Variants in SCNN1B observed in about 807,000 individuals in gnomAD.
The protein encoded by SCNN1B is epithelial sodium channel subunit beta.
SCNN1B carries 46 observed loss-of-function variants against 65.3 expected under a neutral mutation model. The observed-to-expected ratio is 0.70, with a 90% confidence interval of 0.56 to 0.90. The LOEUF (loss-of-function observed/expected upper bound fraction) is 0.90. Among genes scored for constraint, SCNN1B ranks in the 40% least tolerant of loss-of-function variants. The probability of loss-of-function intolerance (pLI) is 0.00; values close to 1 mark genes in which losing one functional copy is unlikely to be tolerated. For synonymous variants in SCNN1B, 349 were observed against 330.6 expected, an observed-to-expected ratio of 1.06 and a Z score of -0.60; for missense variants, 751 against 830.5, an observed-to-expected ratio of 0.90 and a Z score of 1.18.
intron 2 of SCNN1B, among the ~76,000 whole-genome samples, chr16:23,285,267 G>A (rs1255282839): frequency 3.3e-5 from 5 of 152,090 alleles, no homozygotes; most frequent in Non-Finnish European, 7.3e-5. Context: ...CAGTCTCCTG[G>A]GCTCAAGCTA....
At chr16:23,355,518 A>G (rs72654327) in intron 4 of SCNN1B, 29 bp downstream of exon 4, 1,005 of 1,610,722 alleles carry the variant, frequency 6.2e-4, no homozygotes, top group African/African-American at 3.8e-3. Flanking sequence ...CCACCCGGCC[A>G]GGCCCTGGCA....
intron 8 of SCNN1B, among the ~76,000 whole-genome samples, chr16:23,376,778 A>T (rs1962907294): frequency 6.6e-6 from 1 of 152,014 alleles, no homozygotes; most frequent in Non-Finnish European, 1.5e-5. Context: ...AGAAAAAAAA[A>T]AGTAAAAGAG....
At chr16:23,327,372 A>T (rs1024623696) in intron 1 of SCNN1B, among the ~76,000 whole-genome samples, 1 of 152,148 alleles carries the variant, frequency 6.6e-6, no homozygotes, top group Non-Finnish European at 1.5e-5. Context: ...ATCTCTACTA[A>T]GAATACAAAA....
chr16:23,342,171 C>T (rs922679771), intron 1 of SCNN1B, among the ~76,000 whole-genome samples: 2 of 152,206 alleles, frequency 1.3e-5, no homozygotes, highest in African/African-American at 2.4e-5. Context: ...AAATGAAGCA[C>T]TAATACATGC....
At position 23,380,704 on chromosome 16, in the gene SCNN1B, C is replaced by T. The variant is rs367558995; in HGVS notation, c.1826C>T (p.Ala609Val). 1.1e-5 allele frequency: 18 copies of T among 1,612,376 alleles called. No individual in the cohort carries two copies. Among genetic ancestry groups the T allele is most frequent in the Non-Finnish European group, 1.4e-5 (16 of 1,179,592 alleles). The change falls in exon 13 of 13, where the codon GCC (alanine) becomes GTC (valine). Residue 609 changes from alanine to valine, a missense_variant. Transcript: ENST00000343070. The surrounding 1 kb of genome is among the most constrained non-coding windows in gnomAD (Gnocchi z 5.4). ...ACTGGGCCCTACCCCAGTGAGCAGG[C>T]CCTGCCCATCCCAGGCACCCCGCCC... is the stretch of plus-strand genomic sequence containing the variant. The part of the protein sequence containing the change: ...PNTGPYPSEQ[A>V]LPIPGTPPPN...
chr16:23,357,796 A>G (rs1962450820), intron 4 of SCNN1B, among the ~76,000 whole-genome samples: 1 of 152,206 alleles, frequency 6.6e-6, no homozygotes, highest in Non-Finnish European at 1.5e-5. Context: ...AGCTGGTCAC[A>G]GTCTGTGTTT....
upstream of SCNN1B, among the ~76,000 whole-genome samples, chr16:23,301,359 CAAA>C (rs369302758): frequency 8.3e-6 from 1 of 120,414 alleles, no homozygotes; most frequent in Non-Finnish European, 1.6e-5. Flanking sequence ...GAGACTCTGT[CAAA>C]AAAAAAAGAA....
rs1961566445 is a variant in SCNN1B, at chr16:23,320,579, A to G, written c.-9+18142A>G. Among the ~76,000 whole-genome samples, 2 of 152,218 alleles carry G rather than the reference A, an allele frequency of 1.3e-5. 1 individual carries two copies. The highest frequency in any genetic ancestry group is 1.3e-4 in the Admixed American group (2 of 15,282). On this transcript the variant is annotated intron_variant, in intron 1 of 12. Transcript: ENST00000343070. ...AAGTTCAAACCCATGACTTACAGAC[A>G]TGATTGGAGTTGTGAGACAGCAAAA...
chr16:23,337,559 G>T (rs1961969596), intron 1 of SCNN1B, among the ~76,000 whole-genome samples: 1 of 151,618 alleles, frequency 6.6e-6, no homozygotes, highest in South Asian at 2.1e-4. Flanking sequence ...TGTATTTTTA[G>T]TAGAGACAGG....
rs557772351 is a variant in SCNN1B, at chr16:23,291,087, C to T, written n.178+7283C>T. Among the ~76,000 whole-genome samples, 7 of 142,940 alleles carry T rather than the reference C, an allele frequency of 4.9e-5. No homozygotes were observed. The South Asian group carries it at 1.3e-3, about 27-fold the overall frequency. 93.8% of individuals were successfully genotyped at this position (142,940 alleles called of 152,430 possible). On this transcript the variant is annotated intron_variant and non_coding_transcript_variant, in intron 2 of 3. Transcript: ENST00000569789. ...TTTTTTCTTTTTTTTTTTTTGGCAGCATCTTGCTGTGTCGCCCAGGCTGGA... is the reference window on the plus strand; with the variant it reads ...TTTTTTCTTTTTTTTTTTTTGGCAGTATCTTGCTGTGTCGCCCAGGCTGGA...
intron 10 of SCNN1B, among the ~76,000 whole-genome samples, 193 bp from the exon 11 acceptor site, chr16:23,378,513 C>T (rs552798565): frequency 2.2e-4 from 33 of 152,234 alleles, no homozygotes; most frequent in Admixed American, 1.0e-3. Flanking sequence ...TCTGGAGGCC[C>T]GAGTCCTTCC....
chr16:23,343,611 GA>G (rs1339082196), intron 1 of SCNN1B, among the ~76,000 whole-genome samples: 10 of 104,518 alleles, frequency 9.6e-5, no homozygotes, highest in African/African-American at 3.9e-4. Context: ...AAGAAAGAAA[GA>G]AAGAAAGAAA....
intron 1 of SCNN1B, among the ~76,000 whole-genome samples, chr16:23,340,552 T>C (rs1962034338): frequency 6.6e-6 from 1 of 152,234 alleles, no homozygotes; most frequent in Non-Finnish European, 1.5e-5. Flanking sequence ...TTTTTTATTT[T>C]TTTACGTTTT....
In SCNN1B at chr16:23,380,810, C is replaced by T; in HGVS notation, c.*9C>T. On this transcript the variant is annotated 3_prime_UTR_variant, in exon 13 of 13. Coordinates refer to ENST00000343070, the MANE Select transcript of SCNN1B (RefSeq NM_000336.3). The surrounding 1 kb of genome is among the most constrained non-coding windows in gnomAD (Gnocchi z 5.4). ...AGGGTGATGCCATCTAACCCTGCCC[C>T]TGCCCACCCCGGGCGGCTGAAACTC... is the stretch of plus-strand genomic sequence containing the variant. 6.2e-7 allele frequency: 1 copy of T among 1,611,924 alleles called. No homozygotes were observed. Among genetic ancestry groups the T allele is most frequent in the Non-Finnish European group, 8.5e-7 (1 of 1,179,994 alleles).
At chr16:23,280,685 G>A (rs7186809) in intron 1 of SCNN1B, among the ~76,000 whole-genome samples, 9,229 of 152,252 alleles carry the variant, frequency 0.061, 969 homozygotes, top group African/African-American at 0.21. Flanking sequence ...ACCAGGAAAT[G>A]TCAGAAGCTT....
intron 4 of SCNN1B, among the ~76,000 whole-genome samples, chr16:23,361,050 T>C (rs1353829185): frequency 1.3e-5 from 2 of 152,156 alleles, no homozygotes; most frequent in African/African-American, 2.4e-5. Context: ...CGCCTCAGCC[T>C]TCCAAAGTGC....
At chr16:23,312,443 G>A (rs1026686243) in intron 1 of SCNN1B, among the ~76,000 whole-genome samples, 1 of 152,054 alleles carries the variant, frequency 6.6e-6, no homozygotes, top group Admixed American at 6.6e-5. Context: ...TTGGTGGGGG[G>A]AATTTGAGGG....
chr16:23,312,262 G>A (rs60232997), intron 1 of SCNN1B, among the ~76,000 whole-genome samples: 10,027 of 152,152 alleles, frequency 0.066, 1,120 homozygotes, highest in African/African-American at 0.23. Context: ...GAGCTACCTC[G>A]CCTGGCTCCT....
chr16:23,379,852 G>A (rs567705837), intron 11 of SCNN1B, among the ~76,000 whole-genome samples: 5 of 152,324 alleles, frequency 3.3e-5, no homozygotes, highest in South Asian at 2.1e-4. Context: ...TGCAGTTCTC[G>A]TTTGGACCTC....
Sources: gnomAD v4.1 joint callset for allele counts (sites outside exome capture counted in the v4.1 genomes callset) on GRCh38, gnomAD v4.1.1 for gene constraint, Gnocchi (gnomAD v3.1) non-coding constraint, MANE v1.5 for transcripts, NCBI Gene and HGNC (gene_info 2026-07-23, HGNC 2026-07-21) for gene names.